The following CSRNP3 variants were observed in gnomAD, a reference collection of about 807,000 sequenced individuals.
The protein encoded by CSRNP3 is cysteine/serine-rich nuclear protein 3.
Under a neutral mutation model 48.0 loss-of-function variants are expected in CSRNP3, and 12 were observed. That is an observed-to-expected ratio of 0.25 (90% CI 0.16 to 0.41). The LOEUF is 0.41. CSRNP3 is among the 10% of genes least tolerant of loss of function. The pLI is 1.00. For missense variants in CSRNP3, 580 were observed against 724.4 expected (o/e 0.80, Z 2.29); for synonymous variants, 263 against 269.7 (o/e 0.98, Z 0.24).
At chr2:165,489,080 A>C (rs1469370713) in intron 1 of CSRNP3, among the ~76,000 whole-genome samples, 1 of 148,526 alleles carries the variant, frequency 6.7e-6, no homozygotes, top group African/African-American at 2.5e-5. Flanking sequence ...AGAGAGAAGA[A>C]TCAAATAGAC....
At chr2:165,615,541 T>TAA (rs35407045) in intron 4 of CSRNP3, among the ~76,000 whole-genome samples, 144 of 144,234 alleles carry the variant, frequency 1.0e-3, no homozygotes, top group Non-Finnish European at 1.7e-3. Context: ...AGACTCCATC[T>TAA]AAAAAAAAAA....
At chr2:165,534,442 T>C (rs975074971) in intron 3 of CSRNP3, among the ~76,000 whole-genome samples, 1 of 151,986 alleles carries the variant, frequency 6.6e-6, no homozygotes, top group African/African-American at 2.4e-5. Flanking sequence ...TTCTTTACAA[T>C]ACTTTTGGAA....
At chr2:165,597,370 T>A (rs1685829805) in intron 4 of CSRNP3, among the ~76,000 whole-genome samples, 1 of 152,070 alleles carries the variant, frequency 6.6e-6, no homozygotes, top group South Asian at 2.1e-4. Flanking sequence ...GAAAACATTA[T>A]AAGATAATGA....
intron 2 of CSRNP3, among the ~76,000 whole-genome samples, chr2:165,517,289 T>A (rs1684594586): frequency 6.6e-6 from 1 of 151,996 alleles, no homozygotes; most frequent in Admixed American, 6.5e-5. Context: ...AAGAACAACA[T>A]TTTTGTTAAT....
At chr2:165,508,146 G>T (rs528613192) in intron 2 of CSRNP3, among the ~76,000 whole-genome samples, 23 of 151,978 alleles carry the variant, frequency 1.5e-4, no homozygotes, top group Non-Finnish European at 3.1e-4. Flanking sequence ...AGCTGAACAT[G>T]AAAGTACACT....
At chr2:165,509,579 T>C (rs1241904766) in intron 2 of CSRNP3, among the ~76,000 whole-genome samples, 1 of 152,194 alleles carries the variant, frequency 6.6e-6, no homozygotes, top group Non-Finnish European at 1.5e-5. Flanking sequence ...TGAACATGAA[T>C]TATTTATAGG....
Position 165,642,103 on chromosome 2 carries a change from AACACACACACACACAC to A in CSRNP3, c.149-15629_149-15614del, listed in dbSNP as rs58624766. 2.4e-3 allele frequency among the ~76,000 whole-genome samples: 315 copies of A among 132,200 alleles called. 1 individual carries two copies. Among genetic ancestry groups the A allele is most frequent in the East Asian group, 9.2e-3 (42 of 4,562 alleles). The allele number at this position is 132,200 out of a possible 152,430, so 86.7% of individuals were successfully genotyped here. On this transcript the variant is annotated intron_variant, in intron 4 of 6. Transcript: ENST00000651982. ...TAGTACCTGAGAATACACACACACA[AACACACACACACACAC>A]ACACACACACACACACACACACACA...
intron 3 of CSRNP3, among the ~76,000 whole-genome samples, chr2:165,593,440 C>T (rs1685756251): frequency 6.6e-6 from 1 of 152,180 alleles, no homozygotes; most frequent in South Asian, 2.1e-4. Context: ...ATTTGTAGAT[C>T]TGGGATGGGA....
chr2:165,591,643 C>T (rs772512916), intron 3 of CSRNP3, among the ~76,000 whole-genome samples: 1 of 152,170 alleles, frequency 6.6e-6, no homozygotes, highest in Non-Finnish European at 1.5e-5. Context: ...CCAGCCTTAG[C>T]TAAAAGCGGC....
chr2:165,671,233 A>G (rs1198846049), intron 5 of CSRNP3, among the ~76,000 whole-genome samples: 1 of 152,246 alleles, frequency 6.6e-6, no homozygotes, highest in East Asian at 1.9e-4. Context: ...TAAAGTCTGA[A>G]CATTTAATGA....
intron 3 of CSRNP3, among the ~76,000 whole-genome samples, chr2:165,539,729 A>G (rs748262655): frequency 1.3e-5 from 2 of 152,128 alleles, no homozygotes; most frequent in Non-Finnish European, 2.9e-5. Flanking sequence ...CTAGAGATAC[A>G]GTTAACAATA....
Position 165,522,056 on chromosome 2 carries a change from G to C in CSRNP3, c.-24+4095G>C, listed in dbSNP as rs142429514. 9.9e-3 allele frequency among the ~76,000 whole-genome samples: 1,503 copies of C among 152,140 alleles called. 15 individuals are homozygous for C. Among genetic ancestry groups the C allele is most frequent in the Middle Eastern group, 0.041 (12 of 294 alleles). ...CTGTAATCCCAGCACTTTGGGAGGTGGAGGTGGGTGAATCACTTGAGTCCA... is the reference window on the plus strand; with the variant it reads ...CTGTAATCCCAGCACTTTGGGAGGTCGAGGTGGGTGAATCACTTGAGTCCA... On this transcript the variant is annotated intron_variant, in intron 3 of 6. Coordinates refer to ENST00000651982, the MANE Select transcript of CSRNP3 (RefSeq NM_001172173.2).
At chr2:165,650,549 T>C (rs1057497416) in intron 4 of CSRNP3, among the ~76,000 whole-genome samples, 2 of 152,242 alleles carry the variant, frequency 1.3e-5, no homozygotes, top group African/African-American at 4.8e-5. Flanking sequence ...CTAATTTCTA[T>C]ACAAAATAAT....
chr2:165,581,497 C>T (rs1248289434), intron 3 of CSRNP3, among the ~76,000 whole-genome samples: 1 of 152,018 alleles, frequency 6.6e-6, no homozygotes, highest in East Asian at 1.9e-4. Flanking sequence ...TGCTTTGTAT[C>T]AGAGCCTATG....
At chr2:165,649,332 C>G (rs975944884) in intron 4 of CSRNP3, among the ~76,000 whole-genome samples, 1 of 152,076 alleles carries the variant, frequency 6.6e-6, no homozygotes, top group African/African-American at 2.4e-5. Context: ...CATTATTAGT[C>G]TTGAGGGTAA....
intron 2 of CSRNP3, among the ~76,000 whole-genome samples, chr2:165,517,638 A>T (rs1684598784): frequency 6.6e-6 from 1 of 151,998 alleles, no homozygotes; most frequent in Non-Finnish European, 1.5e-5. Context: ...CAGATAAATA[A>T]ATGAGTTAAA....
intron 4 of CSRNP3, among the ~76,000 whole-genome samples, chr2:165,632,598 C>T (rs142396189): frequency 1.7e-4 from 26 of 152,292 alleles, no homozygotes; most frequent in Non-Finnish European, 2.6e-4. Flanking sequence ...TACAGCTTTA[C>T]AGTTACATTT....
chr2:165,552,346 A>C (rs779168665), intron 3 of CSRNP3, among the ~76,000 whole-genome samples: 21 of 152,238 alleles, frequency 1.4e-4, no homozygotes, highest in Non-Finnish European at 2.8e-4. Context: ...CTATCTCAGT[A>C]ATCTGAACAG....
Position 165,681,799 on chromosome 2 carries a change from A to T in CSRNP3, c.*2046A>T, listed in dbSNP as rs1236455988. ...CACATACACATATATATACACATAT[A>T]TGTATGTGTGTGTGTGTGTGTGTGT... On this transcript the variant is annotated 3_prime_UTR_variant, in exon 7 of 7. Transcript: ENST00000651982. 7.7e-6 allele frequency: 1 copy of T among 129,422 alleles called. No homozygotes were observed. Among genetic ancestry groups the T allele is most frequent in the African/African-American group, 3.0e-5 (1 of 32,984 alleles). 8.0% of individuals were successfully genotyped at this position (129,422 alleles called of 1,614,324 possible). A position where few individuals can be genotyped will look rare whatever the true frequency, so the allele number is the denominator to read the frequency against.
Sources: gnomAD v4.1 joint callset for allele counts (sites outside exome capture counted in the v4.1 genomes callset) on GRCh38, gnomAD v4.1.1 for gene constraint, MANE v1.5 for transcripts, NCBI Gene and HGNC (gene_info 2026-07-23, HGNC 2026-07-21) for gene names.